The following SLC39A14 variants were observed in gnomAD, a reference collection of about 807,000 sequenced individuals.
The protein encoded by SLC39A14 is metal cation symporter ZIP14.
SLC39A14 carries 19 observed loss-of-function variants against 45.5 expected under a neutral mutation model. The observed-to-expected ratio is 0.42, with a 90% CI of 0.29 to 0.61. SLC39A14 has a LOEUF of 0.61. SLC39A14 is among the 20% of genes least tolerant of loss of function. SLC39A14 has a pLI of 0.22. For missense variants in SLC39A14, 447 were observed against 616.5 expected (o/e 0.73, Z 2.91); for synonymous variants, 264 against 251.3 (o/e 1.05, Z -0.48).
chr8:22,418,818 T>C (rs1179892549), intron 8 of SLC39A14, among the ~76,000 whole-genome samples: 1 of 152,148 alleles, frequency 6.6e-6, no homozygotes, highest in African/African-American at 2.4e-5. Context: ...TGTGAGCCAC[T>C]GCATCTAGCT....
At chr8:22,403,735 T>G (rs767696222) in intron 1 of SLC39A14, among the ~76,000 whole-genome samples, 1 of 150,170 alleles carries the variant, frequency 6.7e-6, no homozygotes, top group African/African-American at 2.4e-5. Flanking sequence ...CGGGCAAATA[T>G]GGTGAAACCC....
chr8:22,405,258 A>G (rs538051950), intron 2 of SLC39A14, among the ~76,000 whole-genome samples: 1 of 152,268 alleles, frequency 6.6e-6, no homozygotes, highest in South Asian at 2.1e-4. Context: ...CACGCCTGTA[A>G]TCCCAGCACT....
chr8:22,385,800 C>T (rs573865052), intron 1 of SLC39A14, among the ~76,000 whole-genome samples: 1 of 151,926 alleles, frequency 6.6e-6, no homozygotes. Flanking sequence ...AGTTCAGGAG[C>T]AGCCTGGGCA....
chr8:22,428,441 CTT>C (rs59846887), intron 8 of SLC39A14, among the ~76,000 whole-genome samples: 6 of 116,398 alleles, frequency 5.2e-5, no homozygotes, highest in East Asian at 2.6e-4. Context: ...TTCATATGTT[CTT>C]TTTTTTTTTT....
chr8:22,385,061 C>CAA (rs111758196), intron 1 of SLC39A14, among the ~76,000 whole-genome samples: 3 of 151,844 alleles, frequency 2.0e-5, no homozygotes, highest in Admixed American at 6.6e-5. Context: ...AAAAAAAACA[C>CAA]AAAAAAACAA....
At chr8:22,388,998 T>C (rs1233530374) in intron 1 of SLC39A14, among the ~76,000 whole-genome samples, 1 of 152,198 alleles carries the variant, frequency 6.6e-6, no homozygotes, top group Non-Finnish European at 1.5e-5. Flanking sequence ...GCTGGCGCCC[T>C]GGTCGTGCCC....
At chr8:22,416,019 G>A (rs1193178172) in intron 6 of SLC39A14, 54 bp from the exon 7 acceptor site, 15 of 1,607,090 alleles carry the variant, frequency 9.3e-6, no homozygotes, top group Non-Finnish European at 1.0e-5. Flanking sequence ...TTACCTTGAG[G>A]GCACATGGTC....
At position 22,408,333 on chromosome 8, in the gene SLC39A14, C is replaced by T; in HGVS notation, c.294C>T (p.Phe98=). 1 of 1,614,198 alleles carries T rather than the reference C, an allele frequency of 6.2e-7. No individual in the cohort carries two copies. Among genetic ancestry groups the T allele is most frequent in the Non-Finnish European group, 8.5e-7 (1 of 1,180,020 alleles). ...LSTCFSSGDL[F]TAHNFSEQSR... is the part of the protein sequence containing the mutation. ...AGTGCTTTAGTTCTGGAGACCTCTT[C>T]ACTGCCCACAATTTCAGCGAGCAGT... The change falls in exon 3 of 9, where the codon TTC becomes TTT. Residue 98 remains phenylalanine, a synonymous_variant. Transcript: ENST00000381237.
chr8:22,410,190 C>G, intron 3 of SLC39A14: 5 of 1,520,598 alleles, frequency 3.3e-6, no homozygotes, highest in Non-Finnish European at 4.5e-6. Context: ...CCTCCCCTAC[C>G]CTGGGCTCCA....
At chr8:22,407,748 C>G (rs1835310868) in intron 2 of SLC39A14, among the ~76,000 whole-genome samples, 1 of 151,468 alleles carries the variant, frequency 6.6e-6, no homozygotes, top group African/African-American at 2.4e-5. Context: ...GCTCTGTCAC[C>G]CAGGCTGGAG....
chr8:22,381,277 CT>C (rs1232288996), intron 1 of SLC39A14, among the ~76,000 whole-genome samples: 6 of 140,812 alleles, frequency 4.3e-5, no homozygotes, highest in African/African-American at 1.3e-4. Context: ...CAGCCCTACT[CT>C]TTTTTTTTCT....
intron 4 of SLC39A14, 103 bp from the exon 5 acceptor site, chr8:22,414,675 CCT>C: frequency 8.1e-7 from 1 of 1,227,062 alleles, no homozygotes; most frequent in Non-Finnish European, 1.1e-6. Flanking sequence ...CTCCATTATG[CCT>C]CTCTCCTTTC....
At chr8:22,382,987 G>A (rs567210814) in intron 1 of SLC39A14, among the ~76,000 whole-genome samples, 2 of 152,024 alleles carry the variant, frequency 1.3e-5, no homozygotes, top group Non-Finnish European at 2.9e-5. Context: ...CAAAGTGTTG[G>A]GATTACAGGC....
At position 22,404,768 on chromosome 8, in the gene SLC39A14, G is replaced by T. The variant is rs183988980; in HGVS notation, c.58G>T (p.Gly20Cys). 8.7e-6 allele frequency: 14 copies of T among 1,613,874 alleles called. 1 individual carries two copies. The East Asian group carries it at 2.9e-4, about 33-fold the overall frequency. Residue 20 changes from glycine to cysteine, a missense_variant, in exon 2 of 9, where the codon GGC becomes TGC. Coordinates refer to ENST00000381237, the MANE Select transcript of SLC39A14 (RefSeq NM_001128431.4). ...FQSCLLLTLL[G>C]LWRTTPEAHA... ...GAGCTGCCTCCTGCTGACCCTGCTT[G>T]GCTTATGGAGAACCACCCCTGAGGC...
At chr8:22,409,340 G>A (rs1447465225) in intron 3 of SLC39A14, among the ~76,000 whole-genome samples, 1 of 151,872 alleles carries the variant, frequency 6.6e-6, no homozygotes, top group Non-Finnish European at 1.5e-5. Context: ...GCAAGTCCCT[G>A]TTTTCTGCTG....
chr8:22,422,798 C>T (rs1306941525), downstream of SLC39A14: 8 of 716,404 alleles, frequency 1.1e-5, no homozygotes, highest in Non-Finnish European at 1.2e-5. Flanking sequence ...TCTGGTTTAA[C>T]ATTTGACTGG....
chr8:22,404,722 G>A lies in SLC39A14; in HGVS notation c.12G>A (p.Leu4=), dbSNP rs1428347898. 6.5e-7 allele frequency: 1 copy of A among 1,537,158 alleles called. No individual in the cohort carries two copies. Among genetic ancestry groups the A allele is most frequent in the Non-Finnish European group, 8.7e-7 (1 of 1,155,020 alleles). MKL[L]LLHPAFQSCL... ...TTTATTCAGTCACCATGAAGCTGCT[G>A]CTGCTGCACCCGGCCTTCCAGAGCT... Residue 4 remains leucine (L), a synonymous_variant, in exon 2 of 9, where the codon CTG becomes CTA. Coordinates refer to ENST00000381237, the MANE Select transcript of SLC39A14 (RefSeq NM_001128431.4).
intron 1 of SLC39A14, 134 bp from the exon 2 acceptor site, chr8:22,404,562 G>T: frequency 1.3e-6 from 1 of 762,148 alleles, no homozygotes; most frequent in Non-Finnish European, 2.1e-6. Context: ...TTTCTCAAAG[G>T]CTAATTCAAG....
intron 8 of SLC39A14, 54 bp downstream of exon 8, chr8:22,417,889 G>C: frequency 6.8e-7 from 1 of 1,461,656 alleles, no homozygotes; most frequent in Non-Finnish European, 9.2e-7. Flanking sequence ...ATGGATGTTA[G>C]GTAGGTAGTT....
Sources: gnomAD v4.1 joint callset for allele counts (sites outside exome capture counted in the v4.1 genomes callset) on GRCh38, gnomAD v4.1.1 for gene constraint, MANE v1.5 for transcripts, NCBI Gene and HGNC (gene_info 2026-07-23, HGNC 2026-07-21) for gene names.